NEBL: variants seen among roughly 807,000 people sequenced by gnomAD.
The protein encoded by NEBL is nebulette, also known as LIM and SH3 protein 2.
A neutral mutation model predicts 140.2 loss-of-function variants in NEBL; 122 were observed. That is an observed-to-expected ratio of 0.87 (90% confidence interval 0.75 to 1.01). The LOEUF is 1.01. Ranked by LOEUF, NEBL falls within the 50% of genes least tolerant of loss-of-function variation. NEBL has a pLI of 0.00. For synonymous variants in NEBL, 436 were observed against 398.9 expected (o/e 1.09, Z -1.11); for missense variants, 1,365 against 1,231.3 (o/e 1.11, Z -1.62).
intron 1 of NEBL, among the ~76,000 whole-genome samples, chr10:21,259,706 C>A (rs187368403): frequency 4.6e-5 from 7 of 152,166 alleles, no homozygotes; most frequent in African/African-American, 7.2e-5. Context: ...GAGGCCCCAA[C>A]GGCCAAAAAC....
intron 2 of NEBL, among the ~76,000 whole-genome samples, chr10:21,061,553 T>TATAAA (rs1835309622): frequency 6.8e-6 from 1 of 147,420 alleles, no homozygotes; most frequent in Non-Finnish European, 1.5e-5. Context: ...TTTATACATA[T>TATAAA]ATAAATATAA....
At chr10:20,894,504 A>G (rs1847278564) in intron 2 of NEBL, among the ~76,000 whole-genome samples, 1 of 151,976 alleles carries the variant, frequency 6.6e-6, no homozygotes, top group Admixed American at 6.6e-5. Context: ...AAGGAAGGAA[A>G]AAAAGGAAGA....
chr10:20,928,944 T>A (rs914505772), intron 4 of NEBL, among the ~76,000 whole-genome samples: 2 of 152,168 alleles, frequency 1.3e-5, no homozygotes, highest in African/African-American at 4.8e-5. Context: ...AATGATTACC[T>A]CTATTCACTA....
intron 1 of NEBL, among the ~76,000 whole-genome samples, chr10:21,257,742 G>A (rs942932111): frequency 6.6e-6 from 1 of 152,092 alleles, no homozygotes; most frequent in African/African-American, 2.4e-5. Flanking sequence ...AAAACTAGGT[G>A]GGTGTGGTGG....
intron 2 of NEBL, among the ~76,000 whole-genome samples, chr10:21,079,319 T>TA (rs1217251184): frequency 6.6e-6 from 1 of 152,218 alleles, no homozygotes; most frequent in Non-Finnish European, 1.5e-5. Flanking sequence ...AAATACAAGA[T>TA]AAAATGCAGG....
intron 2 of NEBL, among the ~76,000 whole-genome samples, chr10:21,047,253 T>C (rs1418218668): frequency 6.6e-6 from 1 of 152,194 alleles, no homozygotes; most frequent in Non-Finnish European, 1.5e-5. Flanking sequence ...AGACACTGAT[T>C]ATGGTCATGA....
chr10:20,829,291 A>C (rs1345513185), intron 16 of NEBL, among the ~76,000 whole-genome samples: 1 of 152,140 alleles, frequency 6.6e-6, no homozygotes, highest in Non-Finnish European at 1.5e-5. Context: ...TTGTAGGGAC[A>C]TGGATGAAAT....
chr10:21,021,137 ATCAC>A (rs1838774212), intron 2 of NEBL, among the ~76,000 whole-genome samples: 1 of 152,124 alleles, frequency 6.6e-6, no homozygotes, highest in South Asian at 2.1e-4. Flanking sequence ...CACACATCCA[ATCAC>A]TCGTTCACCA....
At chr10:20,916,799 T>C (rs1934678) in intron 4 of NEBL, among the ~76,000 whole-genome samples, 109,164 of 152,104 alleles carry the variant, frequency 0.72, 39,241 homozygotes, top group Admixed American at 0.78. Flanking sequence ...CTCAAGGCAA[T>C]AGGCTATTTT....
At chr10:20,810,327 A>G (rs1838013809) in intron 24 of NEBL, among the ~76,000 whole-genome samples, 1 of 152,200 alleles carries the variant, frequency 6.6e-6, no homozygotes, top group East Asian at 1.9e-4. Flanking sequence ...AGTAATTCAT[A>G]GGAAACAATT....
chr10:21,178,210 T>A (rs925557678), upstream of NEBL, among the ~76,000 whole-genome samples: 4 of 152,150 alleles, frequency 2.6e-5, no homozygotes, highest in African/African-American at 9.7e-5. Flanking sequence ...ATACAAACAT[T>A]AGGGGAAATT....
intron 3 of NEBL, among the ~76,000 whole-genome samples, chr10:20,972,415 T>C (rs149950674): frequency 1.7e-3 from 260 of 152,242 alleles, no homozygotes; most frequent in African/African-American, 6.0e-3. Flanking sequence ...AAAAAAACTC[T>C]GTAAACAGCA....
intron 3 of NEBL, among the ~76,000 whole-genome samples, chr10:21,006,371 T>C (rs1042970269): frequency 4.6e-5 from 7 of 152,220 alleles, no homozygotes; most frequent in African/African-American, 1.7e-4. Flanking sequence ...GATTGCTTTT[T>C]TTAAGGCAGT....
chr10:21,178,372 G>A (rs755457205), upstream of NEBL, among the ~76,000 whole-genome samples: 7 of 152,142 alleles, frequency 4.6e-5, no homozygotes, highest in Non-Finnish European at 1.0e-4. Context: ...TGATAAGTAA[G>A]CAAAGAATTA....
intron 3 of NEBL, among the ~76,000 whole-genome samples, chr10:21,008,968 T>A (rs1485713445): frequency 1.3e-5 from 2 of 151,686 alleles, no homozygotes; most frequent in African/African-American, 4.8e-5. Flanking sequence ...CCCATATACA[T>A]ACACACTCCT....
At chr10:21,171,248 T>C (rs1179715190) in intron 2 of NEBL, among the ~76,000 whole-genome samples, 9 of 149,944 alleles carry the variant, frequency 6.0e-5, no homozygotes, top group Non-Finnish European at 1.2e-4. Context: ...GGCAGAAGAA[T>C]CGCTTGAACC....
chr10:21,121,256 A>T (rs1838560238), intron 2 of NEBL, among the ~76,000 whole-genome samples: 1 of 152,176 alleles, frequency 6.6e-6, no homozygotes, highest in South Asian at 2.1e-4. Context: ...TGAGCCCTTA[A>T]CACTGTATAA....
chr10:21,233,665 T>C (rs191374895), intron 3 of NEBL, among the ~76,000 whole-genome samples: 2 of 144,800 alleles, frequency 1.4e-5, no homozygotes, highest in African/African-American at 5.0e-5. Context: ...TATATAGATA[T>C]ATATCTATAT....
At chr10:20,846,978 G>A (rs927013242) in intron 11 of NEBL, among the ~76,000 whole-genome samples, 2 of 152,048 alleles carry the variant, frequency 1.3e-5, no homozygotes, top group Non-Finnish European at 2.9e-5. Context: ...ATCTGCCATT[G>A]GAAGAAAGTA....
Sources: gnomAD v4.1 joint callset for allele counts (sites outside exome capture counted in the v4.1 genomes callset) on GRCh38, gnomAD v4.1.1 for gene constraint, MANE v1.5 for transcripts, NCBI Gene and HGNC (gene_info 2026-07-23, HGNC 2026-07-21) for gene names.